PRKACB: variants seen among roughly 807,000 people sequenced by gnomAD.
PRKACB encodes cAMP-dependent protein kinase catalytic subunit beta.
PRKACB carries 16 observed loss-of-function variants against 51.4 expected under a neutral mutation model. The observed-to-expected ratio is 0.31, with a 90% CI of 0.21 to 0.47. The LOEUF is 0.47. Ranked by LOEUF, PRKACB falls within the 20% of genes least tolerant of loss-of-function variation. PRKACB has a pLI of 1.00. For synonymous variants in PRKACB, 147 were observed against 154.4 expected, an observed-to-expected ratio of 0.95 and a Z score of 0.35; for missense variants, 309 against 464.5, an observed-to-expected ratio of 0.67 and a Z score of 3.08.
chr1:84,098,366 A>G (rs982747097), intron 1 of PRKACB, among the ~76,000 whole-genome samples: 3 of 152,120 alleles, frequency 2.0e-5, no homozygotes, highest in Admixed American at 6.6e-5. Context: ...AACTTTTTAC[A>G]TAGCCCATTT....
At chr1:84,191,873 A>G (rs867447450) in intron 5 of PRKACB, among the ~76,000 whole-genome samples, 3 of 152,156 alleles carry the variant, frequency 2.0e-5, no homozygotes, top group Admixed American at 1.3e-4. Flanking sequence ...CAATTAATTT[A>G]TCAAAGATGT....
chr1:84,084,517 C>G (rs1647810036), intron 1 of PRKACB, among the ~76,000 whole-genome samples: 2 of 151,976 alleles, frequency 1.3e-5, no homozygotes, highest in Admixed American at 6.5e-5. Context: ...CATTATGGAG[C>G]AAGTGGAATA....
chr1:84,223,178 A>G (rs1330789172), intron 9 of PRKACB, among the ~76,000 whole-genome samples: 3 of 152,056 alleles, frequency 2.0e-5, no homozygotes, highest in Non-Finnish European at 2.9e-5. Flanking sequence ...GGTGTCCCCT[A>G]TGTCATGTAT....
intron 1 of PRKACB, among the ~76,000 whole-genome samples, chr1:84,103,986 C>T (rs1649543773): frequency 6.6e-6 from 1 of 152,120 alleles, no homozygotes; most frequent in Non-Finnish European, 1.5e-5. Context: ...ACATTTAAAT[C>T]CTCTCTTGTA....
intron 1 of PRKACB, among the ~76,000 whole-genome samples, chr1:84,174,699 G>A (rs1341722572): frequency 6.6e-6 from 1 of 151,928 alleles, no homozygotes; most frequent in Non-Finnish European, 1.5e-5. Flanking sequence ...GAACTCCAGA[G>A]ATGGTATTGC....
At chr1:84,150,292 T>C (rs949556585) in intron 1 of PRKACB, among the ~76,000 whole-genome samples, 2 of 151,972 alleles carry the variant, frequency 1.3e-5, no homozygotes. Context: ...TAAATTAAAA[T>C]AAAATAAAAT....
intron 1 of PRKACB, among the ~76,000 whole-genome samples, chr1:84,123,825 T>TA (rs1651303795): frequency 1.3e-5 from 2 of 152,284 alleles, no homozygotes; most frequent in South Asian, 4.1e-4. Flanking sequence ...TAGTCAATCT[T>TA]ACAACATTTA....
chr1:84,177,463 G>A (rs922438751), intron 1 of PRKACB, among the ~76,000 whole-genome samples: 10 of 152,116 alleles, frequency 6.6e-5, no homozygotes, highest in Admixed American at 3.3e-4. Flanking sequence ...CAATTTGGCC[G>A]GACACAGTGG....
chr1:84,188,297 C>A (rs1475722105), intron 5 of PRKACB, among the ~76,000 whole-genome samples: 1 of 151,656 alleles, frequency 6.6e-6, no homozygotes, highest in Admixed American at 6.6e-5. Flanking sequence ...TCTGCTTGAT[C>A]TTAATTAGTA....
At chr1:84,119,669 A>C (rs1650908038) in intron 1 of PRKACB, among the ~76,000 whole-genome samples, 1 of 152,136 alleles carries the variant, frequency 6.6e-6, no homozygotes, top group African/African-American at 2.4e-5. Context: ...TTATAAAGTT[A>C]ATGACCACGC....
intron 1 of PRKACB, among the ~76,000 whole-genome samples, chr1:84,131,048 C>A (rs1652133650): frequency 6.6e-6 from 1 of 152,106 alleles, no homozygotes; most frequent in South Asian, 2.1e-4. Flanking sequence ...TTATAAGTTA[C>A]CCATGAAGTG....
intron 1 of PRKACB, among the ~76,000 whole-genome samples, chr1:84,145,324 T>C (rs1653911203): frequency 6.6e-6 from 1 of 152,094 alleles, no homozygotes; most frequent in Non-Finnish European, 1.5e-5. Flanking sequence ...TCAAGGTATT[T>C]CTGTGACTCC....
chr1:84,212,909 A>G (rs1457122568), intron 8 of PRKACB, among the ~76,000 whole-genome samples: 1 of 152,148 alleles, frequency 6.6e-6, no homozygotes, highest in Non-Finnish European at 1.5e-5. Context: ...AGCCTGGGGG[A>G]GACAGAAATA....
At chr1:84,147,909 G>A (rs1308362552) in intron 1 of PRKACB, among the ~76,000 whole-genome samples, 1 of 152,098 alleles carries the variant, frequency 6.6e-6, no homozygotes, top group Non-Finnish European at 1.5e-5. Flanking sequence ...CGCTGTATTA[G>A]TGGGGAGCCA....
chr1:84,186,785 G>C (rs751710300), intron 5 of PRKACB, among the ~76,000 whole-genome samples: 2 of 151,996 alleles, frequency 1.3e-5, no homozygotes, highest in Non-Finnish European at 2.9e-5. Context: ...TCTATGTAGG[G>C]ACCTGGGCCA....
At chr1:84,215,979 A>G (rs1306664284) in intron 9 of PRKACB, among the ~76,000 whole-genome samples, 1 of 152,136 alleles carries the variant, frequency 6.6e-6, no homozygotes, top group East Asian at 1.9e-4. Flanking sequence ...GGAAAAAAAA[A>G]TTTAATGCTC....
intron 1 of PRKACB, among the ~76,000 whole-genome samples, chr1:84,111,563 TAA>T (rs1486748727): frequency 2.0e-5 from 3 of 152,022 alleles, no homozygotes; most frequent in South Asian, 2.1e-4. Context: ...AACCCAAGGG[TAA>T]AATACTACCC....
At chr1:84,119,469 A>G (rs1454413064) in intron 1 of PRKACB, among the ~76,000 whole-genome samples, 3 of 152,162 alleles carry the variant, frequency 2.0e-5, no homozygotes, top group Non-Finnish European at 1.5e-5. Flanking sequence ...TGATGCTTTC[A>G]AAGAATGGCA....
At chr1:84,121,349 AAGG>A (rs1340348899) in intron 1 of PRKACB, among the ~76,000 whole-genome samples, 1 of 151,968 alleles carries the variant, frequency 6.6e-6, no homozygotes, top group Non-Finnish European at 1.5e-5. Context: ...GAAGATGAAA[AAGG>A]AGGTACTCCT....
Sources: gnomAD v4.1 joint callset for allele counts (sites outside exome capture counted in the v4.1 genomes callset) on GRCh38, gnomAD v4.1.1 for gene constraint, MANE v1.5 for transcripts, NCBI Gene and HGNC (gene_info 2026-07-23, HGNC 2026-07-21) for gene names.